F10: variants seen among roughly 807,000 people sequenced by gnomAD.
F10 encodes the protein coagulation factor X.
F10 carries 29 observed loss-of-function variants against 37.1 expected under a neutral mutation model. The observed-to-expected ratio is 0.78, with a 90% confidence interval of 0.58 to 1.07. F10 has a LOEUF of 1.07. Ranked by LOEUF, F10 falls within the 50% of genes least tolerant of loss-of-function variation. The pLI is 0.00. For missense variants in F10, 539 were observed against 667.9 expected (o/e 0.81, Z 2.13); for synonymous variants, 262 against 268.6 (o/e 0.98, Z 0.24).
chr13:113,141,123 G>T lies in F10; in HGVS notation c.502+73G>T. 6.3e-7 allele frequency: 1 copy of T among 1,597,490 alleles called. No homozygotes were observed. ...CAGGGAGGACAAGCCCGTGCCAGGG[G>T]GTGGGGACACAGGCATGTTCTGGGC... is the stretch of plus-strand genomic sequence containing the variant. On this transcript the variant is annotated intron_variant, in intron 5 of 7. Transcript: ENST00000375559. This position sits in a 1 kb window ranked among gnomAD's most constrained non-coding sequence, Gnocchi z 5.4.
chr13:113,146,586 T>C lies in F10; in HGVS notation c.748-793T>C, dbSNP rs1283648791. Reference sequence around the variant, plus strand: ...GTTCGTGTCTTAGAAAGCCTGACTTTCCCTCATGTAAGCTGGATGATGAGT... The same window carrying C: ...GTTCGTGTCTTAGAAAGCCTGACTTCCCCTCATGTAAGCTGGATGATGAGT... On this transcript the variant is annotated intron_variant, in intron 6 of 7. Transcript: ENST00000375559. This position sits in a 1 kb window ranked among gnomAD's most constrained non-coding sequence, Gnocchi z 4.5. Among the ~76,000 whole-genome samples, 3 of 152,208 alleles carry C rather than the reference T, an allele frequency of 2.0e-5. No individual in the cohort carries two copies. Among genetic ancestry groups the C allele is most frequent in the African/African-American group, 2.4e-5 (1 of 41,460 alleles).
intron 7 of F10, 67 bp downstream of exon 7, chr13:113,147,563 C>T (rs1402213067): frequency 2.1e-6 from 2 of 972,304 alleles, no homozygotes; most frequent in East Asian, 4.8e-5. Flanking sequence ...TCAGAAACCA[C>T]TAAAGCTGAT....
Position 113,143,198 on chromosome 13 carries a change from C to G in F10, c.503-653C>G, listed in dbSNP as rs1360365663. 1.3e-5 allele frequency among the ~76,000 whole-genome samples: 2 copies of G among 151,754 alleles called. No homozygotes were observed. Among genetic ancestry groups the G allele is most frequent in the Non-Finnish European group, 2.9e-5 (2 of 67,948 alleles). On this transcript the variant is annotated intron_variant, in intron 5 of 7. Transcript: ENST00000375559. This position sits in a 1 kb window ranked among gnomAD's most constrained non-coding sequence, Gnocchi z 6.8. ...CTCTCCTGCTCCCCCACACCCCTGC[C>G]TTCCTCCAACATGTTTCAGCCATTC... is the stretch of plus-strand genomic sequence containing the variant.
intron 4 of F10, 177 bp from the exon 5 acceptor site, chr13:113,140,742 C>A: frequency 1.1e-6 from 1 of 896,914 alleles, no homozygotes; most frequent in African/African-American, 1.6e-5. Context: ...ATGAGCTCCC[C>A]GTGACCCGTG....
In F10 at chr13:113,139,475, G is replaced by A. The variant is rs777015994; in HGVS notation, c.370+5G>A. On this transcript the variant is annotated splice_donor_5th_base_variant and intron_variant, in intron 4 of 7. Transcript: ENST00000375559. This position sits in a 1 kb window ranked among gnomAD's most constrained non-coding sequence, Gnocchi z 5.2. ...AAGGCAAAAACTGTGAATTATGTAG[G>A]TTCCTCTGCTTGGTATACCTTCAGA... 6.2e-7 allele frequency: 1 copy of A among 1,610,678 alleles called. No individual in the cohort carries two copies. Among genetic ancestry groups the A allele is most frequent in the Non-Finnish European group, 8.5e-7 (1 of 1,176,918 alleles).
chr13:113,129,537 C>T lies in F10; in HGVS notation c.156C>T (p.His52=), dbSNP rs1462266879. 1 of 1,614,196 alleles carries T rather than the reference C, an allele frequency of 6.2e-7. No homozygotes were observed. The change falls in exon 2 of 8, where the codon CAC becomes CAT. Residue 52 remains histidine, a synonymous_variant. Transcript: ENST00000375559. Reference sequence around the variant, plus strand: ...TTCTTGAAGAGATGAAGAAAGGACACCTCGAAAGAGAGTGCATGGAAGAGA... The same window carrying T: ...TTCTTGAAGAGATGAAGAAAGGACATCTCGAAAGAGAGTGCATGGAAGAGA... ...NSFLEEMKKG[H]LERECMEETC...
chr13:113,148,203 G>T (rs2036599526), intron 7 of F10, among the ~76,000 whole-genome samples: 1 of 151,172 alleles, frequency 6.6e-6, no homozygotes, highest in African/African-American at 2.4e-5. Context: ...TGGTGGCACG[G>T]GCCTGTAATC....
At chr13:113,123,494 A>G (rs938298289) in intron 1 of F10, among the ~76,000 whole-genome samples, 5 of 152,198 alleles carry the variant, frequency 3.3e-5, no homozygotes, top group African/African-American at 1.2e-4. Context: ...CCAAAAGCAG[A>G]GGCCCAGACA....
At position 113,129,536 on chromosome 13, in the gene F10, A is replaced by G; in HGVS notation, c.155A>G (p.His52Arg). The change falls in exon 2 of 8, where the codon CAC becomes CGC. Residue 52 changes from histidine (H) to arginine (R), a missense_variant. By Grantham distance (29) the His-to-Arg change is conservative. This residue lies in a region of F10 where 130 missense variants were observed against 120.0 expected (regional missense o/e 1.08). Coordinates refer to ENST00000375559, the MANE Select transcript of F10 (RefSeq NM_000504.4). The part of the protein sequence containing the change: ...NSFLEEMKKG[H>R]LERECMEETC... ...TTTCTTGAAGAGATGAAGAAAGGAC[A>G]CCTCGAAAGAGAGTGCATGGAAGAG... The G allele has an allele frequency of 1.2e-6, 2 of 1,614,214 alleles. No individual in the cohort carries two copies. Among genetic ancestry groups the G allele is most frequent in the Non-Finnish European group, 1.7e-6 (2 of 1,180,038 alleles).
rs894120300 is a variant in F10 at position 113,143,280 on chromosome 13, G to C, written c.503-571G>C. ...ACAAAAGGAAGCTTCCTAACATCTC[G>C]GCGTGGCCTCTCTGGGAGCTGTGCT... On this transcript the variant is annotated intron_variant, in intron 5 of 7. Transcript: ENST00000375559. The surrounding 1 kb of genome is among the most constrained non-coding windows in gnomAD (Gnocchi z 6.8). 6.6e-6 allele frequency among the ~76,000 whole-genome samples: 1 copy of C among 151,950 alleles called. No homozygotes were observed. Among genetic ancestry groups the C allele is most frequent in the Non-Finnish European group, 1.5e-5 (1 of 68,006 alleles).
intron 2 of F10, among the ~76,000 whole-genome samples, chr13:113,137,731 C>T (rs1040482270): frequency 4.6e-5 from 7 of 152,254 alleles, no homozygotes; most frequent in East Asian, 1.9e-4. Flanking sequence ...GCTGCGGACG[C>T]GTCGCTCCTG....
In F10 at chr13:113,143,238, C is replaced by T. The variant is rs2036549123; in HGVS notation, c.503-613C>T. ...TTCAGCCATTCTCTTGGCCTTGGTGCCCTAATTGGCCGTTATACAAAAGGA... is the reference window on the plus strand; with the variant it reads ...TTCAGCCATTCTCTTGGCCTTGGTGTCCTAATTGGCCGTTATACAAAAGGA... On this transcript the variant is annotated intron_variant, in intron 5 of 7. Transcript: ENST00000375559. The surrounding 1 kb of genome is among the most constrained non-coding windows in gnomAD (Gnocchi z 6.8). 6.6e-6 allele frequency among the ~76,000 whole-genome samples: 1 copy of T among 151,826 alleles called. No homozygotes were observed. Among genetic ancestry groups the T allele is most frequent in the Admixed American group, 6.6e-5 (1 of 15,232 alleles).
rs5806973 is a variant in F10, at chr13:113,142,556, CAAAAAAA to C, written c.503-1279_503-1273del. On this transcript the variant is annotated intron_variant, in intron 5 of 7. Transcript: ENST00000375559. ...TGGGCAACAGAATGAGACTCTGTCT[CAAAAAAA>C]AAAAAAAAAAAAAAATCAAAAGGCA... Among the ~76,000 whole-genome samples the C allele has an allele frequency of 4.9e-5, 3 of 61,414 alleles. 1 individual carries two copies. Among genetic ancestry groups the C allele is most frequent in the South Asian group, 4.8e-4 (1 of 2,082 alleles). 40.3% of individuals were successfully genotyped at this position (61,414 alleles called of 152,430 possible). A position where few individuals can be genotyped will look rare whatever the true frequency, so the allele number is the denominator to read the frequency against.
At chr13:113,140,840 G>C (rs2036520481) in intron 4 of F10, 79 bp from the exon 5 acceptor site, 1 of 1,607,626 alleles carries the variant, frequency 6.2e-7, no homozygotes, top group Non-Finnish European at 8.5e-7. Context: ...CAGGCAAGTG[G>C]ATGTAGCTGG....
At chr13:113,145,561 C>G (rs1202540401) in intron 6 of F10, among the ~76,000 whole-genome samples, 1 of 152,154 alleles carries the variant, frequency 6.6e-6, no homozygotes. Context: ...TGATTCAAGT[C>G]AAACTAGGTG....
chr13:113,135,279 C>G (rs2036468527), intron 2 of F10, among the ~76,000 whole-genome samples: 1 of 151,666 alleles, frequency 6.6e-6, no homozygotes, highest in Non-Finnish European at 1.5e-5. Context: ...AAAGAATTGT[C>G]TTTTTCAACA....
Position 113,143,931 on chromosome 13 carries a change from C to T in F10, c.583C>T (p.Pro195Ser), listed in dbSNP as rs2036556534. Residue 195 changes from proline (P) to serine (S), a missense_variant, in exon 6 of 8, where the codon CCT becomes TCT. Physicochemically the swap from Pro to Ser is moderately conservative, Grantham distance 74. Transcript: ENST00000375559. This position sits in a 1 kb window ranked among gnomAD's most constrained non-coding sequence, Gnocchi z 6.8. Reference protein sequence around the residue: ...AQATSSSGEAPDSITWKPYDA... With the variant: ...AQATSSSGEASDSITWKPYDA... ...GGCCACCAGCAGCAGCGGGGAGGCC[C>T]CTGACAGCATCACATGGAAGCCATA... is the stretch of plus-strand genomic sequence containing the variant. 2 of 1,613,288 alleles carry T rather than the reference C, an allele frequency of 1.2e-6. No individual in the cohort carries two copies. Among genetic ancestry groups the T allele is most frequent in the Non-Finnish European group, 1.7e-6 (2 of 1,179,992 alleles).
In F10 at chr13:113,143,701, G is replaced by GGA; in HGVS notation, c.503-150_503-149insGA. ...TGCAGATCCGACCCCTGCCGACGAC[G>GGA]TGGGGCCTCGCCCTGCAAGCCCGCT... On this transcript the variant is annotated intron_variant, in intron 5 of 7. Coordinates refer to ENST00000375559, the MANE Select transcript of F10 (RefSeq NM_000504.4). The surrounding 1 kb of genome is among the most constrained non-coding windows in gnomAD (Gnocchi z 6.8). 6.7e-5 allele frequency: 77 copies of GGA among 1,157,388 alleles called. No individual in the cohort carries two copies. Among genetic ancestry groups the GGA allele is most frequent in the Admixed American group, 2.7e-4 (11 of 41,142 alleles). 71.7% of individuals were successfully genotyped at this position (1,157,388 alleles called of 1,614,324 possible). A position where few individuals can be genotyped will look rare whatever the true frequency, so the allele number is the denominator to read the frequency against.
intron 6 of F10, among the ~76,000 whole-genome samples, chr13:113,145,169 T>C (rs539820783): frequency 2.6e-5 from 4 of 152,282 alleles, no homozygotes; most frequent in East Asian, 3.9e-4. Context: ...CGTGAGACAA[T>C]GTGCCCGGCC....
Sources: allele counts gnomAD v4.1 joint callset (sites outside exome capture counted in the v4.1 genomes callset), GRCh38; gene constraint gnomAD v4.1.1; regional missense constraint gnomAD v4.1.1; non-coding constraint Gnocchi (gnomAD v3.1); transcripts MANE v1.5; gene names NCBI Gene and HGNC (gene_info 2026-07-23, HGNC 2026-07-21).